RGS22: variants seen among roughly 807,000 people sequenced by gnomAD.
The protein encoded by RGS22 is regulator of G-protein signaling 22.
A neutral mutation model predicts 172.9 loss-of-function variants in RGS22; 148 were observed. That is an observed-to-expected ratio of 0.86 (90% CI 0.75 to 0.98). The LOEUF (loss-of-function observed/expected upper bound fraction) is 0.98. Among genes scored for constraint, RGS22 ranks in the 50% least tolerant of loss-of-function variants. The pLI, the probability that RGS22 is intolerant of heterozygous loss-of-function variation, is 0.00. For synonymous variants in RGS22, 458 were observed against 480.2 expected, an observed-to-expected ratio of 0.95 and a Z score of 0.60; for missense variants, 1,347 against 1,440.8, an observed-to-expected ratio of 0.93 and a Z score of 1.05.
intron 14 of RGS22, among the ~76,000 whole-genome samples, chr8:100,034,753 A>G (rs1819252112): frequency 6.6e-6 from 1 of 152,198 alleles, no homozygotes; most frequent in Admixed American, 6.5e-5. Context: ...TGGTACCAAA[A>G]CAGATATATA....
At chr8:99,964,855 A>C (rs1441097606) in intron 24 of RGS22, among the ~76,000 whole-genome samples, 1 of 152,216 alleles carries the variant, frequency 6.6e-6, no homozygotes, top group Non-Finnish European at 1.5e-5. Context: ...ATTTCAGGGA[A>C]GTAACAGTAA....
intron 3 of RGS22, among the ~76,000 whole-genome samples, chr8:100,087,484 G>A (rs1246734641): frequency 1.3e-5 from 2 of 152,044 alleles, no homozygotes; most frequent in Non-Finnish European, 2.9e-5. Context: ...TAAATTGCTG[G>A]TTCCACATTT....
chr8:100,006,864 A>AT (rs1217415009), intron 15 of RGS22, among the ~76,000 whole-genome samples: 1 of 152,078 alleles, frequency 6.6e-6, no homozygotes, highest in African/African-American at 2.4e-5. Flanking sequence ...TGTTTCATCC[A>AT]TTTTATAAGA....
At chr8:100,020,303 G>A (rs1159274724) in intron 14 of RGS22, among the ~76,000 whole-genome samples, 2 of 152,156 alleles carry the variant, frequency 1.3e-5, no homozygotes, top group East Asian at 3.8e-4. Flanking sequence ...AAAAGCCATG[G>A]CACTATTTCA....
intron 27 of RGS22, 67 bp downstream of exon 27, chr8:99,962,327 C>T: frequency 1.0e-6 from 1 of 971,014 alleles, no homozygotes; most frequent in Non-Finnish European, 1.7e-6. Flanking sequence ...TGCATGCGTG[C>T]ATGTACATGA....
At chr8:100,025,566 CCTAGA>C (rs1818087952) in intron 14 of RGS22, among the ~76,000 whole-genome samples, 1 of 152,060 alleles carries the variant, frequency 6.6e-6, no homozygotes, top group Non-Finnish European at 1.5e-5. Context: ...ACACCATCAG[CCTAGA>C]GAAGGAGAAC....
chr8:100,034,436 C>G (rs1286679739), intron 14 of RGS22, among the ~76,000 whole-genome samples: 1 of 152,122 alleles, frequency 6.6e-6, no homozygotes, highest in African/African-American at 2.4e-5. Context: ...TCAAGGAGAA[C>G]TATAAATCAC....
chr8:100,105,611 G>A, intron 1 of RGS22: 1 of 603,912 alleles, frequency 1.7e-6, no homozygotes. Context: ...ATCCTGCCTG[G>A]TCACTAATTC....
intron 14 of RGS22, among the ~76,000 whole-genome samples, chr8:100,010,348 C>T (rs962818297): frequency 1.3e-5 from 2 of 151,894 alleles, no homozygotes; most frequent in African/African-American, 2.4e-5. Flanking sequence ...TAGCTGGGCA[C>T]GGTGGTGGGC....
chr8:99,969,998 C>G (rs1811166524), intron 23 of RGS22, among the ~76,000 whole-genome samples: 1 of 152,156 alleles, frequency 6.6e-6, no homozygotes, highest in South Asian at 2.1e-4. Context: ...CACTCCTCAG[C>G]AAATGCAAAA....
chr8:100,019,044 CT>C (rs1336941481), intron 14 of RGS22, among the ~76,000 whole-genome samples: 1 of 151,734 alleles, frequency 6.6e-6, no homozygotes, highest in East Asian at 1.9e-4. Flanking sequence ...TTGGATTTCT[CT>C]TTGTATCAAA....
chr8:99,999,173 A>G, intron 19 of RGS22, 89 bp downstream of exon 19: 1 of 1,131,560 alleles, frequency 8.8e-7, no homozygotes, highest in Non-Finnish European at 1.2e-6. Flanking sequence ...AAAAAAAAAA[A>G]GGACAATGGC....
rs1387253522 is a variant in RGS22 at position 100,052,947 on chromosome 8, G to T, written c.1544C>A (p.Ala515Asp). ...TTCAGCACTAGCATATTTTGTTGAG[G>T]CTGAATGAGTAACACAGAATCTTGG... Reference protein sequence around the residue: ...WAPRFCVTHSASTKYASAELK... With the variant: ...WAPRFCVTHSDSTKYASAELK... Residue 515 changes from alanine to aspartate, a missense_variant, in exon 10 of 28, where the codon GCC becomes GAC. Coordinates refer to ENST00000360863, the MANE Select transcript of RGS22 (RefSeq NM_015668.5). 3 of 1,613,818 alleles carry T rather than the reference G, an allele frequency of 1.9e-6. No individual in the cohort carries two copies. Among genetic ancestry groups the T allele is most frequent in the Non-Finnish European group, 2.5e-6 (3 of 1,179,946 alleles).
intron 11 of RGS22, among the ~76,000 whole-genome samples, chr8:100,045,593 T>C (rs542435414): frequency 6.6e-6 from 1 of 152,070 alleles, no homozygotes; most frequent in African/African-American, 2.4e-5. Context: ...GGCACTCTTA[T>C]ACAAGCTGAA....
intron 23 of RGS22, among the ~76,000 whole-genome samples, chr8:99,966,686 T>C (rs1810767664): frequency 6.6e-6 from 1 of 152,206 alleles, no homozygotes. Context: ...GCCATGAAAG[T>C]AAGAACATTT....
chr8:100,039,969 C>T lies in RGS22; in HGVS notation c.2057G>A (p.Gly686Glu), dbSNP rs1403893504. The change falls in exon 13 of 28, where the codon GGG becomes GAG. Residue 686 changes from glycine (G) to glutamate (E), a missense_variant. Transcript: ENST00000360863. ...FFFTKFCEHS[G>E]NKLWKNSVYF... is the part of the protein sequence containing the mutation. ...TAAATAATTCTTTTCTACCTTGTTC[C>T]CTGAATGCTCGCAGAATTTAGTAAA... 6.5e-7 allele frequency: 1 copy of T among 1,541,150 alleles called. No individual in the cohort carries two copies. Among genetic ancestry groups the T allele is most frequent in the Non-Finnish European group, 8.7e-7 (1 of 1,143,512 alleles).
intron 3 of RGS22, among the ~76,000 whole-genome samples, chr8:100,083,825 CTTTTCTT>C (rs1305448511): frequency 6.3e-4 from 73 of 116,180 alleles, no homozygotes; most frequent in African/African-American, 2.2e-3. Context: ...CGCGTAATTT[CTTTTCTT>C]TTTTTTTTTT....
In RGS22 at chr8:100,040,224, A is replaced by G. The variant is rs373049403; in HGVS notation, c.1939-137T>C. 2.3e-5 allele frequency: 16 copies of G among 707,312 alleles called. No individual in the cohort carries two copies. In the African/African-American group the frequency reaches 3.0e-4, roughly 13 times the overall value. 43.8% of individuals were successfully genotyped at this position (707,312 alleles called of 1,614,324 possible). On this transcript the variant is annotated intron_variant, in intron 12 of 27. Coordinates refer to ENST00000360863, the MANE Select transcript of RGS22 (RefSeq NM_015668.5). Reference sequence around the variant, plus strand: ...TATTTTATTTTTGTACCATATATGTAATTAATGCAGTATGTTTGCATTTGA... The same window carrying G: ...TATTTTATTTTTGTACCATATATGTGATTAATGCAGTATGTTTGCATTTGA...
intron 22 of RGS22, among the ~76,000 whole-genome samples, chr8:99,979,082 T>C (rs377730270): frequency 1.6e-4 from 24 of 152,336 alleles, no homozygotes; most frequent in Admixed American, 3.9e-4. Context: ...AATCTAGAGA[T>C]ACTTTATTTG....
Sources: allele counts gnomAD v4.1 joint callset (sites outside exome capture counted in the v4.1 genomes callset), GRCh38; gene constraint gnomAD v4.1.1; transcripts MANE v1.5; gene names NCBI Gene and HGNC (gene_info 2026-07-23, HGNC 2026-07-21).